The following DLGAP2 variants were observed in gnomAD, a reference collection of about 807,000 sequenced individuals.
DLGAP2 encodes the protein DLG associated protein 2.
In DLGAP2, 26 loss-of-function variants were observed where a neutral mutation model predicts 100.3. That is an observed-to-expected ratio of 0.26 (90% CI 0.19 to 0.36). The LOEUF (loss-of-function observed/expected upper bound fraction) is 0.36. Among genes scored for constraint, DLGAP2 ranks in the 10% least tolerant of loss-of-function variants. The probability of loss-of-function intolerance (pLI) is 1.00; values close to 1 mark genes in which losing one functional copy is unlikely to be tolerated. For synonymous variants in DLGAP2, 886 were observed against 630.1 expected (o/e 1.41, Z -6.08); for missense variants, 1,858 against 1,453.2 (o/e 1.28, Z -4.53).
chr8:954,404 A>C (rs566738364), intron 2 of DLGAP2, among the ~76,000 whole-genome samples: 1 of 152,198 alleles, frequency 6.6e-6, no homozygotes, highest in African/African-American at 2.4e-5. Flanking sequence ...GTGACCAAGA[A>C]ATGTGTTCAA....
At chr8:861,221 C>G (rs1797383682) in intron 1 of DLGAP2, among the ~76,000 whole-genome samples, 1 of 152,196 alleles carries the variant, frequency 6.6e-6, no homozygotes. Flanking sequence ...CAACTATTGA[C>G]ATAGCATTTA....
chr8:1,158,403 T>C (rs1796832218), intron 2 of DLGAP2, among the ~76,000 whole-genome samples: 1 of 152,250 alleles, frequency 6.6e-6, no homozygotes, highest in African/African-American at 2.4e-5. Flanking sequence ...GATGTTTTAT[T>C]GACTTATATT....
intron 1 of DLGAP2, among the ~76,000 whole-genome samples, chr8:788,063 C>G (rs776294089): frequency 2.0e-5 from 3 of 152,220 alleles, no homozygotes; most frequent in African/African-American, 4.8e-5. Context: ...AGCGATGGCA[C>G]TGGATCCCTC....
intron 1 of DLGAP2, among the ~76,000 whole-genome samples, chr8:845,877 G>T (rs1014071675): frequency 2.6e-5 from 4 of 152,186 alleles, no homozygotes; most frequent in African/African-American, 9.7e-5. Flanking sequence ...TTTGGCATTT[G>T]GCTGTCCAGC....
At chr8:1,225,632 T>G (rs1226800784) in intron 2 of DLGAP2, among the ~76,000 whole-genome samples, 3 of 152,238 alleles carry the variant, frequency 2.0e-5, no homozygotes, top group African/African-American at 7.2e-5. Flanking sequence ...ATGAACACTT[T>G]TAAGCCAATA....
chr8:1,085,727 C>G (rs1001077749), intron 2 of DLGAP2, among the ~76,000 whole-genome samples: 3 of 152,098 alleles, frequency 2.0e-5, no homozygotes, highest in Non-Finnish European at 2.9e-5. Context: ...GCTACTTTTG[C>G]TCATGATTTT....
At chr8:1,031,641 G>T (rs908213700) in intron 2 of DLGAP2, among the ~76,000 whole-genome samples, 17 of 152,034 alleles carry the variant, frequency 1.1e-4, no homozygotes, top group Admixed American at 1.1e-3. Flanking sequence ...GAAACTTCTT[G>T]CACTTTATAA....
chr8:946,014 G>A (rs1200792892), intron 2 of DLGAP2, among the ~76,000 whole-genome samples: 3 of 152,018 alleles, frequency 2.0e-5, no homozygotes, highest in African/African-American at 7.2e-5. Flanking sequence ...TGGTCTCTGG[G>A]GGGTTGAACT....
At chr8:1,569,869 G>A (rs759381079) in intron 6 of DLGAP2, among the ~76,000 whole-genome samples, 5 of 151,336 alleles carry the variant, frequency 3.3e-5, no homozygotes, top group Non-Finnish European at 5.9e-5. Flanking sequence ...TCACCCCATG[G>A]CACTGCTCTG....
At chr8:1,570,376 C>T (rs1357572610) in intron 6 of DLGAP2, among the ~76,000 whole-genome samples, 1 of 152,260 alleles carries the variant, frequency 6.6e-6, no homozygotes, top group African/African-American at 2.4e-5. Context: ...ATAATGTTCA[C>T]TCCTGGGGGC....
chr8:1,541,998 T>A (rs958918063), intron 4 of DLGAP2, among the ~76,000 whole-genome samples: 3 of 152,228 alleles, frequency 2.0e-5, no homozygotes, highest in African/African-American at 7.2e-5. Context: ...CAGATGTTTC[T>A]CTGAGCCATA....
At chr8:1,206,244 C>G (rs895635485) in intron 2 of DLGAP2, among the ~76,000 whole-genome samples, 7 of 152,086 alleles carry the variant, frequency 4.6e-5, no homozygotes, top group Non-Finnish European at 1.0e-4. Context: ...GGCCACGCAC[C>G]ACTGGGCACT....
intron 3 of DLGAP2, among the ~76,000 whole-genome samples, chr8:1,495,710 G>A (rs79047943): frequency 0.018 from 2,735 of 151,796 alleles, 86 homozygotes; most frequent in African/African-American, 0.064. Flanking sequence ...GACGCTCATC[G>A]TCTCGCAGGC....
chr8:781,617 G>T (rs1373876379), intron 1 of DLGAP2, among the ~76,000 whole-genome samples: 2 of 152,182 alleles, frequency 1.3e-5, no homozygotes, highest in African/African-American at 4.8e-5. Context: ...GGGGAGCGCT[G>T]AGCCCATTAA....
At chr8:1,274,397 A>G (rs1002226771) in intron 3 of DLGAP2, among the ~76,000 whole-genome samples, 2 of 151,008 alleles carry the variant, frequency 1.3e-5, no homozygotes, top group African/African-American at 4.8e-5. Flanking sequence ...GTATAAGAAT[A>G]TAAACCATAA....
At chr8:1,258,467 G>A (rs1354737641) in intron 2 of DLGAP2, among the ~76,000 whole-genome samples, 1 of 152,032 alleles carries the variant, frequency 6.6e-6, no homozygotes, top group Non-Finnish European at 1.5e-5. Context: ...GAGAGCATTA[G>A]AACAAATACC....
chr8:1,203,054 A>G (rs1277862778), intron 2 of DLGAP2, among the ~76,000 whole-genome samples: 1 of 152,158 alleles, frequency 6.6e-6, no homozygotes, highest in African/African-American at 2.4e-5. Context: ...CCGGTTCCGT[A>G]AGCTGCTCTC....
chr8:1,705,628 C>T lies in DLGAP2; in HGVS notation c.*4222C>T, dbSNP rs578067066. The T allele has an allele frequency of 5.2e-5, 8 of 152,456 alleles. No individual in the cohort carries two copies. In the South Asian group the frequency reaches 1.0e-3, roughly 20 times the overall value. The allele number at this position is 152,456 out of a possible 1,614,324, so 9.4% of individuals were successfully genotyped here. ...TGCCCCACCTGTGAGCACAGAAACA[C>T]GCTTCTCCAACACGGGCCGAAATAA... On this transcript the variant is annotated 3_prime_UTR_variant, in exon 15 of 15. Transcript: ENST00000637795.
intron 2 of DLGAP2, among the ~76,000 whole-genome samples, chr8:1,230,662 A>G (rs1238269608): frequency 2.0e-5 from 3 of 152,230 alleles, no homozygotes; most frequent in Non-Finnish European, 4.4e-5. Context: ...AAACAGACAC[A>G]TAAACCAACA....
Sources: allele counts gnomAD v4.1 joint callset (sites outside exome capture counted in the v4.1 genomes callset), GRCh38; gene constraint gnomAD v4.1.1; transcripts MANE v1.5; gene names NCBI Gene and HGNC (gene_info 2026-07-23, HGNC 2026-07-21).